The following RBMS2 variants were observed in gnomAD, a reference collection of about 807,000 sequenced individuals.
The protein encoded by RBMS2 is RNA binding motif single stranded interacting protein 2.
In RBMS2, 38 loss-of-function variants were observed where a neutral mutation model predicts 58.4. The observed-to-expected ratio is 0.65, with a 90% CI of 0.50 to 0.85. The LOEUF is 0.85. Ranked by LOEUF, RBMS2 falls within the 40% of genes least tolerant of loss-of-function variation. The pLI, the probability that RBMS2 is intolerant of heterozygous loss-of-function variation, is 0.00. For missense variants in RBMS2, 367 were observed against 503.7 expected (o/e 0.73, Z 2.60); for synonymous variants, 151 against 180.7 (o/e 0.84, Z 1.32).
chr12:56,559,128 A>G (rs1198793220), intron 1 of RBMS2, among the ~76,000 whole-genome samples: 2 of 152,174 alleles, frequency 1.3e-5, no homozygotes, highest in Non-Finnish European at 2.9e-5. Context: ...TCAGAGAAGC[A>G]GCTTTGTTTT....
chr12:56,552,206 A>AT (rs966421301), intron 1 of RBMS2, among the ~76,000 whole-genome samples: 3 of 152,164 alleles, frequency 2.0e-5, no homozygotes, highest in African/African-American at 4.8e-5. Context: ...TATTTCACTG[A>AT]TTTTTTTGTG....
At chr12:56,565,663 G>T (rs1453276697) in intron 2 of RBMS2, among the ~76,000 whole-genome samples, 1 of 152,164 alleles carries the variant, frequency 6.6e-6, no homozygotes, top group Non-Finnish European at 1.5e-5. Flanking sequence ...CAGAGCAGGT[G>T]GGTGGAGCCC....
intron 1 of RBMS2, among the ~76,000 whole-genome samples, chr12:56,524,578 A>C (rs755783895): frequency 1.3e-5 from 2 of 151,158 alleles, no homozygotes; most frequent in Non-Finnish European, 2.9e-5. Context: ...ACACCCGGAC[A>C]ATTTTTTTGT....
At chr12:56,554,729 A>T (rs1425679711) in intron 1 of RBMS2, among the ~76,000 whole-genome samples, 1 of 152,190 alleles carries the variant, frequency 6.6e-6, no homozygotes, top group Non-Finnish European at 1.5e-5. Flanking sequence ...CCTGAAACTT[A>T]AAATAAAATG....
intron 1 of RBMS2, among the ~76,000 whole-genome samples, chr12:56,528,443 T>C (rs1873087561): frequency 1.3e-5 from 2 of 151,870 alleles, no homozygotes. Flanking sequence ...ATAGATGGTA[T>C]ATATACACTA....
intron 5 of RBMS2, among the ~76,000 whole-genome samples, chr12:56,576,063 C>T (rs1883083875): frequency 6.6e-6 from 1 of 151,938 alleles, no homozygotes; most frequent in Non-Finnish European, 1.5e-5. Flanking sequence ...TCAGGCTGGG[C>T]TCGGTGGCTC....
chr12:56,581,001 A>G (rs7307755), intron 5 of RBMS2, among the ~76,000 whole-genome samples, 183 bp from the exon 6 acceptor site: 102,478 of 152,158 alleles, frequency 0.67, 37,419 homozygotes, highest in East Asian at 0.84. Context: ...AAGAACCTTC[A>G]TTACAAGCTG....
At position 56,591,068 on chromosome 12, in the gene RBMS2, A is replaced by G. The variant is rs1217075142; in HGVS notation, c.*1935A>G. ...TGAAGAAAGACTTCACCCATCTTCT[A>G]GGAAATAAAATCCTGCTCTTGTCTT... On this transcript the variant is annotated 3_prime_UTR_variant, in exon 14 of 14. Coordinates refer to ENST00000262031, the MANE Select transcript of RBMS2 (RefSeq NM_002898.4). The G allele has an allele frequency of 2.6e-5, 4 of 152,222 alleles. No individual in the cohort carries two copies. Among genetic ancestry groups the G allele is most frequent in the Non-Finnish European group, 5.9e-5 (4 of 68,076 alleles). The allele number at this position is 152,222 out of a possible 1,614,324, so 9.4% of individuals were successfully genotyped here. A position where few individuals can be genotyped will look rare whatever the true frequency, so the allele number is the denominator to read the frequency against.
intron 1 of RBMS2, among the ~76,000 whole-genome samples, chr12:56,549,156 G>A (rs368691767): frequency 3.3e-5 from 5 of 151,930 alleles, no homozygotes; most frequent in Admixed American, 6.6e-5. Context: ...GCACCACCAC[G>A]TCTAATTTTT....
intron 2 of RBMS2, among the ~76,000 whole-genome samples, chr12:56,567,572 C>T (rs1267963053): frequency 6.6e-6 from 1 of 152,126 alleles, no homozygotes; most frequent in Admixed American, 6.6e-5. Context: ...CATGGTGGCT[C>T]TCAGCTGTAA....
At chr12:56,570,784 A>G (rs770191122) in intron 4 of RBMS2, among the ~76,000 whole-genome samples, 2 of 152,262 alleles carry the variant, frequency 1.3e-5, no homozygotes, top group Non-Finnish European at 2.9e-5. Context: ...TCACCGTGTT[A>G]GCCAGGATGG....
chr12:56,569,177 T>C (rs552637381), intron 3 of RBMS2, 144 bp downstream of exon 3: 269 of 773,028 alleles, frequency 3.5e-4, no homozygotes, highest in Non-Finnish European at 4.8e-4. Flanking sequence ...TTAGGAGATA[T>C]TTAGATTCTT....
upstream of RBMS2, among the ~76,000 whole-genome samples, chr12:56,520,762 A>T (rs1232597252): frequency 3.3e-5 from 5 of 152,094 alleles, no homozygotes; most frequent in South Asian, 1.0e-3. Context: ...CTCAAAGACA[A>T]CTCAAAGCAG....
chr12:56,573,498 AAAAAG>A (rs1360838365), intron 5 of RBMS2, among the ~76,000 whole-genome samples: 7 of 150,626 alleles, frequency 4.6e-5, no homozygotes, highest in African/African-American at 1.7e-4. Context: ...AAAAAAAAAA[AAAAAG>A]AAGAAGAAGA....
At chr12:56,529,209 A>C (rs1873238491) in intron 1 of RBMS2, among the ~76,000 whole-genome samples, 1 of 152,200 alleles carries the variant, frequency 6.6e-6, no homozygotes, top group Non-Finnish European at 1.5e-5. Context: ...ATGGATAAAT[A>C]AAATACATGG....
chr12:56,533,408 C>CTTTTTTTTTTTTTTT (rs1164155079), intron 1 of RBMS2, among the ~76,000 whole-genome samples: 6 of 65,302 alleles, frequency 9.2e-5, no homozygotes, highest in African/African-American at 2.7e-4. Context: ...AGCCCTATTA[C>CTTTTTTTTTTTTTTT]TTTTTTTTTT....
intron 1 of RBMS2, among the ~76,000 whole-genome samples, chr12:56,532,561 A>AT (rs1252417928): frequency 1.6e-5 from 2 of 124,770 alleles, no homozygotes; most frequent in Non-Finnish European, 3.7e-5. Context: ...AAGAAAAATA[A>AT]TTAAATTAAA....
rs1333746228 is a variant in RBMS2 at position 56,592,022 on chromosome 12, T to G, written c.*2889T>G. 6.6e-6 allele frequency: 1 copy of G among 152,106 alleles called. No individual in the cohort carries two copies. Among genetic ancestry groups the G allele is most frequent in the Non-Finnish European group, 1.5e-5 (1 of 68,016 alleles). The allele number at this position is 152,106 out of a possible 1,614,324, so 9.4% of individuals were successfully genotyped here. A position where few individuals can be genotyped will look rare whatever the true frequency, so the allele number is the denominator to read the frequency against. On this transcript the variant is annotated 3_prime_UTR_variant, in exon 14 of 14. Coordinates refer to ENST00000262031, the MANE Select transcript of RBMS2 (RefSeq NM_002898.4). ...CTAATTGTTAGTTCATTTGTAACAG[T>G]GGGTGAGTGTTTGGAGGAAAGGAGG... is the stretch of plus-strand genomic sequence containing the variant.
At chr12:56,585,225 A>G (rs539740098) in intron 9 of RBMS2, among the ~76,000 whole-genome samples, 1 of 152,390 alleles carries the variant, frequency 6.6e-6, no homozygotes, top group African/African-American at 2.4e-5. Flanking sequence ...TGTAATCATC[A>G]GGAATTTATC....
Sources: gnomAD v4.1 joint callset for allele counts (sites outside exome capture counted in the v4.1 genomes callset) on GRCh38, gnomAD v4.1.1 for gene constraint, MANE v1.5 for transcripts, NCBI Gene and HGNC (gene_info 2026-07-23, HGNC 2026-07-21) for gene names.